Variants in NOX4 observed in about 807,000 individuals in gnomAD.
The protein encoded by NOX4 is NADPH oxidase 4, also known as kidney oxidase-1.
Under a neutral mutation model 87.6 loss-of-function variants are expected in NOX4, and 69 were observed. The ratio of observed to expected loss-of-function variants is 0.79; its 90% CI spans 0.65 to 0.96. NOX4 has a LOEUF of 0.96. Among genes scored for constraint, NOX4 ranks in the 40% least tolerant of loss-of-function variants. NOX4 has a pLI of 0.00. For synonymous variants in NOX4, 275 were observed against 238.2 expected (o/e 1.15, Z -1.42); for missense variants, 680 against 681.5 (o/e 1.00, Z 0.02).
chr11:89,416,498 C>G (rs1260314408), intron 8 of NOX4, among the ~76,000 whole-genome samples: 1 of 152,190 alleles, frequency 6.6e-6, no homozygotes, highest in African/African-American at 2.4e-5. Context: ...ACAAATATCT[C>G]TATCCTCTAA....
intron 2 of NOX4, among the ~76,000 whole-genome samples, chr11:89,458,356 C>G (rs1288185861): frequency 3.3e-5 from 5 of 152,020 alleles, no homozygotes; most frequent in African/African-American, 1.2e-4. Context: ...CTACAAAAAG[C>G]CTGGAAGATA....
chr11:89,496,442 C>G (rs1028397616), upstream of NOX4, among the ~76,000 whole-genome samples: 2 of 152,066 alleles, frequency 1.3e-5, no homozygotes, highest in Non-Finnish European at 2.9e-5. Context: ...TTCCAAACTT[C>G]TAGATTTCAT....
At chr11:89,367,785 C>A (rs1347626085) in intron 12 of NOX4, among the ~76,000 whole-genome samples, 1 of 152,028 alleles carries the variant, frequency 6.6e-6, no homozygotes, top group Non-Finnish European at 1.5e-5. Flanking sequence ...GACCAAGTTT[C>A]ATAGCAAGAT....
the NOX4 span, among the ~76,000 whole-genome samples, chr11:89,530,209 G>T: frequency 1.3e-5 from 2 of 150,368 alleles, no homozygotes; most frequent in East Asian, 3.9e-4. Flanking sequence ...CCAGCTGTAG[G>T]CTGTAAGTAC....
chr11:89,368,055 G>T (rs1179928297), intron 12 of NOX4, among the ~76,000 whole-genome samples: 1 of 151,808 alleles, frequency 6.6e-6, no homozygotes, highest in African/African-American at 2.4e-5. Flanking sequence ...AATCTCTCCA[G>T]CAATATAAAA....
chr11:89,414,004 A>G (rs1349485950), intron 8 of NOX4, among the ~76,000 whole-genome samples: 1 of 152,056 alleles, frequency 6.6e-6, no homozygotes, highest in African/African-American at 2.4e-5. Context: ...ATGTGTGTGT[A>G]TAGTGTCAAT....
chr11:89,575,776 C>T, the NOX4 span, among the ~76,000 whole-genome samples: 2 of 151,870 alleles, frequency 1.3e-5, no homozygotes, highest in Non-Finnish European at 2.9e-5. Context: ...TACTTCATTT[C>T]CTTCTCTTCC....
chr11:89,558,483 A>G, the NOX4 span, among the ~76,000 whole-genome samples: 1 of 152,022 alleles, frequency 6.6e-6, no homozygotes. Flanking sequence ...CTTCCTAACT[A>G]CAGCTGATGC....
chr11:89,377,134 T>C (rs1939905979), intron 11 of NOX4, among the ~76,000 whole-genome samples: 1 of 152,308 alleles, frequency 6.6e-6, no homozygotes, highest in East Asian at 1.9e-4. Flanking sequence ...AAGAGATTTA[T>C]ATAATCAAAT....
chr11:89,517,818 T>C, the NOX4 span, among the ~76,000 whole-genome samples: 45 of 152,132 alleles, frequency 3.0e-4, 1 homozygote, highest in South Asian at 9.1e-3. Flanking sequence ...ATTATGTTGA[T>C]CTTGTGTACC....
intron 13 of NOX4, among the ~76,000 whole-genome samples, chr11:89,343,503 C>T (rs185478565): frequency 2.2e-4 from 33 of 146,758 alleles, no homozygotes; most frequent in African/African-American, 5.5e-4. Context: ...TTTTGCTTTT[C>T]TTGGAAAAAA....
At chr11:89,545,093 A>C in the NOX4 span, 1 of 152,186 alleles carries the variant, frequency 6.6e-6, no homozygotes. Context: ...GAATAGAAGG[A>C]AACCAAAATA....
intron 2 of NOX4, among the ~76,000 whole-genome samples, chr11:89,488,709 TAA>T (rs1167257265): frequency 6.6e-6 from 1 of 152,154 alleles, no homozygotes; most frequent in African/African-American, 2.4e-5. Context: ...ATTCTATATC[TAA>T]AGAGTTTTCT....
the NOX4 span, chr11:89,546,598 C>T: frequency 1.7e-4 from 26 of 152,112 alleles, no homozygotes; most frequent in African/African-American, 5.1e-4. Flanking sequence ...CATAATACCA[C>T]GCACTGGGTA....
chr11:89,483,515 C>T (rs1946474355), intron 2 of NOX4, among the ~76,000 whole-genome samples: 1 of 148,270 alleles, frequency 6.7e-6, no homozygotes, highest in African/African-American at 2.5e-5. Context: ...ACAAATACCA[C>T]ATAATGTTAC....
At chr11:89,491,408 G>A (rs1385656657), upstream of NOX4, 2 of 637,634 alleles carry the variant, frequency 3.1e-6, no homozygotes, top group Non-Finnish European at 5.1e-6. Context: ...GAGCCAGCCC[G>A]GGCGGGGTCT....
intron 2 of NOX4, among the ~76,000 whole-genome samples, chr11:89,461,647 A>AAAATAAATAAATAAACAAAT (rs1555041604): frequency 2.7e-5 from 4 of 145,708 alleles, no homozygotes; most frequent in Admixed American, 2.1e-4. Flanking sequence ...TCCATCTCAA[A>AAAATAAATAAATAAACAAAT]AAATAAATAA....
the NOX4 span, among the ~76,000 whole-genome samples, chr11:89,547,297 G>A: frequency 6.6e-6 from 1 of 152,072 alleles, no homozygotes; most frequent in Non-Finnish European, 1.5e-5. Flanking sequence ...ACAACAGTAA[G>A]CAAAGATTAA....
chr11:89,575,985 G>A, the NOX4 span, among the ~76,000 whole-genome samples: 35 of 152,280 alleles, frequency 2.3e-4, 1 homozygote, highest in East Asian at 5.4e-3. Flanking sequence ...GTCTATGAAT[G>A]CTCCATGTTG....
Sources: allele counts gnomAD v4.1 joint callset (sites outside exome capture counted in the v4.1 genomes callset), GRCh38; gene constraint gnomAD v4.1.1; transcripts MANE v1.5; gene names NCBI Gene and HGNC (gene_info 2026-07-23, HGNC 2026-07-21).